The following FANCI variants were observed in gnomAD, a reference collection of about 807,000 sequenced individuals.
FANCI encodes the protein Fanconi anemia group I protein.
Under a neutral mutation model 176.1 loss-of-function variants are expected in FANCI, and 156 were observed. That is an observed-to-expected ratio of 0.89 (90% confidence interval 0.78 to 1.01). The LOEUF (loss-of-function observed/expected upper bound fraction) is 1.01. Ranked by LOEUF, FANCI falls within the 50% of genes least tolerant of loss-of-function variation. The probability of loss-of-function intolerance (pLI) is 0.00; values close to 1 mark genes in which losing one functional copy is unlikely to be tolerated. For missense variants in FANCI, 1,678 were observed against 1,534.1 expected, an observed-to-expected ratio of 1.09 and a Z score of -1.57; for synonymous variants, 613 against 541.7, an observed-to-expected ratio of 1.13 and a Z score of -1.83.
chr15:89,290,377 C>T, intron 19 of FANCI, 96 bp downstream of exon 19: 1 of 939,014 alleles, frequency 1.1e-6, no homozygotes, highest in Non-Finnish European at 1.7e-6. Context: ...AAATAATTCC[C>T]AACTAGTACA....
intron 24 of FANCI, among the ~76,000 whole-genome samples, chr15:89,297,295 C>T (rs1172051840): frequency 7.9e-5 from 12 of 151,262 alleles, no homozygotes; most frequent in African/African-American, 1.2e-4. Flanking sequence ...CGGGAAGAGG[C>T]GCTCCTCACC....
intron 20 of FANCI, among the ~76,000 whole-genome samples, chr15:89,292,124 C>G (rs113033880): frequency 3.9e-5 from 6 of 152,280 alleles, no homozygotes; most frequent in Admixed American, 1.3e-4. Flanking sequence ...TTCAGAGGAG[C>G]TAGGCCTGGT....
At chr15:89,285,838 G>C (rs139431085) in intron 18 of FANCI, among the ~76,000 whole-genome samples, 14 of 152,100 alleles carry the variant, frequency 9.2e-5, no homozygotes, top group Non-Finnish European at 1.8e-4. Flanking sequence ...ACCTAAAGTG[G>C]TATGAAAACT....
chr15:89,303,821 T>A (rs374999457), intron 27 of FANCI, 43 bp from the exon 28 acceptor site: 396 of 1,566,858 alleles, frequency 2.5e-4, no homozygotes, highest in Non-Finnish European at 3.2e-4. Context: ...CCTAGGTCTA[T>A]CTCTGGCATG....
chr15:89,314,192 A>C (rs1195416233), intron 35 of FANCI, among the ~76,000 whole-genome samples: 1 of 150,206 alleles, frequency 6.7e-6, no homozygotes, highest in Admixed American at 6.6e-5. Context: ...ACACACACAC[A>C]CACGTAGAAC....
At chr15:89,246,953 A>G (rs1022523321) in intron 1 of FANCI, among the ~76,000 whole-genome samples, 2 of 151,028 alleles carry the variant, frequency 1.3e-5, no homozygotes, top group East Asian at 1.9e-4. Flanking sequence ...TATTTTTGGT[A>G]GAGACGGGGG....
chr15:89,259,139 T>C (rs2052616173), intron 3 of FANCI: 1 of 288,066 alleles, frequency 3.5e-6, no homozygotes, highest in African/African-American at 2.2e-5. Context: ...TTTAATGAAA[T>C]GGGGTATCTT....
Position 89,281,279 on chromosome 15 carries a change from A to G in FANCI, c.1491A>G (p.Gln497=), listed in dbSNP as rs145349375. ...YLSFLPLQTV[Q]RLLKAVQPLL... is the part of the protein sequence containing the mutation. ...CCTTTCTGCCCCTTCAGACTGTACAAAGGCTGCTTAAGGCAGTGCAGGTAA... is the reference window on the plus strand; with the variant it reads ...CCTTTCTGCCCCTTCAGACTGTACAGAGGCTGCTTAAGGCAGTGCAGGTAA... The change falls in exon 15 of 38, where the codon CAA becomes CAG. Residue 497 remains glutamine (Q), a synonymous_variant. Transcript: ENST00000310775. The G allele has an allele frequency of 8.6e-4, 1,382 of 1,613,790 alleles. 1 individual carries two copies. The highest frequency in any genetic ancestry group is 1.1e-3 in the South Asian group (102 of 91,070).
intron 2 of FANCI, among the ~76,000 whole-genome samples, chr15:89,249,861 T>C (rs2052161157): frequency 6.6e-6 from 1 of 152,116 alleles, no homozygotes; most frequent in Admixed American, 6.5e-5. Flanking sequence ...GTGGAAAATA[T>C]AAAGAATATT....
In FANCI at chr15:89,301,313, C is replaced by T. The variant is rs377269890; in HGVS notation, c.2890-13C>T. On this transcript the variant is annotated splice_polypyrimidine_tract_variant and intron_variant, in intron 26 of 37. Transcript: ENST00000310775. ...TGCTAACATTGCTTGCTGTGTGTGC[C>T]TTCCTTTCTCAGAGGTCCTTGTTGA... The T allele has an allele frequency of 2.2e-5, 34 of 1,579,982 alleles. No homozygotes were observed. The African/African-American group carries it at 4.2e-4, about 19-fold the overall frequency.
chr15:89,264,715 C>A, intron 9 of FANCI, 108 bp downstream of exon 9: 1 of 937,442 alleles, frequency 1.1e-6, no homozygotes, highest in Non-Finnish European at 1.7e-6. Context: ...TTCACCTCAG[C>A]ACAAAACTTT....
rs2053759196 is a variant in FANCI at position 89,284,965 on chromosome 15, G to T, written c.1699-131G>T. 4.2e-6 allele frequency: 4 copies of T among 942,852 alleles called. No individual in the cohort carries two copies. The Admixed American group carries it at 6.8e-5, about 16-fold the overall frequency. 58.4% of individuals were successfully genotyped at this position (942,852 alleles called of 1,614,324 possible). On this transcript the variant is annotated intron_variant, in intron 17 of 37. Transcript: ENST00000310775. ...ACTACTGCATGGTAATGATTATACT[G>T]TGTGTCTCACCCCTGGGGTTTGGCA...
intron 35 of FANCI, 109 bp downstream of exon 35, chr15:89,313,081 T>C (rs559164891): frequency 5.6e-6 from 6 of 1,062,296 alleles, no homozygotes; most frequent in Middle Eastern, 2.0e-4. Flanking sequence ...TCCATTTTCA[T>C]GAAGTGCCCA....
chr15:89,295,361 CAAAAGA>C lies in FANCI; in HGVS notation c.2636+272_2636+277del, dbSNP rs1390648879. On this transcript the variant is annotated intron_variant, in intron 24 of 37. Transcript: ENST00000310775. ...AGCCTGGGTGACAGGGCAAGACTCT[CAAAAGA>C]AAAAAAAAAAAAAAAAAGCCAGACA... Among the ~76,000 whole-genome samples the C allele has an allele frequency of 7.1e-3, 632 of 88,518 alleles. 3 individuals are homozygous for C. The highest frequency in any genetic ancestry group is 0.024 in the African/African-American group (570 of 23,904). The allele number at this position is 88,518 out of a possible 152,430, so 58.1% of individuals were successfully genotyped here.
rs746204528 is a variant in FANCI, at chr15:89,305,218, C to G, written c.3162C>G (p.His1054Gln). The G allele has an allele frequency of 6.2e-7, 1 of 1,614,052 alleles. No homozygotes were observed. The highest frequency in any genetic ancestry group is 1.7e-5 in the Admixed American group (1 of 60,006). Residue 1054 changes from histidine (H) to glutamine (Q), a missense_variant, in exon 29 of 38, where the codon CAC (histidine) becomes CAG (glutamine). By Grantham distance (24) the His-to-Gln change is conservative. Transcript: ENST00000310775. ...TGCGTGACTTGTCCCAGGATATCCA[C>G]GGGCATCTGGGAGATATAGACCAGG... is the stretch of plus-strand genomic sequence containing the variant. ...ILLRDLSQDI[H>Q]GHLGDIDQDV...
chr15:89,244,945 T>G (rs2051878961), intron 1 of FANCI, among the ~76,000 whole-genome samples: 1 of 152,224 alleles, frequency 6.6e-6, no homozygotes, highest in African/African-American at 2.4e-5. Flanking sequence ...TTACCTAGTT[T>G]GAGCTAGGTA....
rs574685699 is a variant in FANCI, at chr15:89,264,550, T to C, written c.698T>C (p.Ile233Thr). Residue 233 changes from isoleucine to threonine, a missense_variant, in exon 9 of 38, where the codon ATC (isoleucine) becomes ACC (threonine). By Grantham distance (89) the Ile-to-Thr change is moderately conservative (BLOSUM62 -1). This residue lies in a region of FANCI where 469 missense variants were observed against 436.9 expected (regional missense o/e 1.07). Coordinates refer to ENST00000310775, the MANE Select transcript of FANCI (RefSeq NM_001113378.2). ...AGCAGAAAGAGTGTTTTGGAAGGAA[T>C]CATAGCCTTCTTCAGTGCACTAGAT... Reference protein sequence around the residue: ...KGSRKSVLEGIIAFFSALDKQ... With the variant: ...KGSRKSVLEGTIAFFSALDKQ... 1.2e-6 allele frequency: 2 copies of C among 1,613,942 alleles called. No homozygotes were observed. The highest frequency in any genetic ancestry group is 2.2e-5 in the East Asian group (1 of 44,836).
intron 14 of FANCI, among the ~76,000 whole-genome samples, chr15:89,280,146 A>C (rs1596282006): frequency 6.6e-6 from 1 of 152,030 alleles, no homozygotes; most frequent in Non-Finnish European, 1.5e-5. Context: ...CTCAGCCTTG[A>C]GAGTAGCTGG....
chr15:89,276,585 G>T, intron 12 of FANCI, 126 bp from the exon 13 acceptor site: 1 of 990,960 alleles, frequency 1.0e-6, no homozygotes, highest in East Asian at 2.5e-5. Context: ...GTAAAGAAAA[G>T]GTTTATATGC....
Sources: gnomAD v4.1 joint callset for allele counts (sites outside exome capture counted in the v4.1 genomes callset) on GRCh38, gnomAD v4.1.1 for gene constraint, gnomAD v4.1.1 regional missense constraint, MANE v1.5 for transcripts, NCBI Gene and HGNC (gene_info 2026-07-23, HGNC 2026-07-21) for gene names.